FBXO31: variants seen among roughly 807,000 people sequenced by gnomAD.
The protein encoded by FBXO31 is F-box protein 31.
A neutral mutation model predicts 54.4 loss-of-function variants in FBXO31; 24 were observed. The ratio of observed to expected loss-of-function variants is 0.44; its 90% confidence interval spans 0.32 to 0.62. The LOEUF is 0.62. Among genes scored for constraint, FBXO31 ranks in the 20% least tolerant of loss-of-function variants. FBXO31 has a pLI of 0.05. For synonymous variants in FBXO31, 388 were observed against 335.6 expected (o/e 1.16, Z -1.71); for missense variants, 665 against 787.1 (o/e 0.84, Z 1.86).
chr16:87,353,543 G>A (rs926408820), intron 2 of FBXO31, among the ~76,000 whole-genome samples: 5 of 152,234 alleles, frequency 3.3e-5, no homozygotes, highest in Admixed American at 6.5e-5. Flanking sequence ...GACAGAGGGG[G>A]CCACGTGGGG....
upstream of FBXO31, among the ~76,000 whole-genome samples, chr16:87,386,654 G>A (rs1201539577): frequency 6.6e-6 from 1 of 152,154 alleles, no homozygotes; most frequent in Non-Finnish European, 1.5e-5. Flanking sequence ...GGCTGGTCTT[G>A]AATTCCTGAC....
Position 87,342,949 on chromosome 16 carries a change from A to G in FBXO31, c.660T>C (p.Ile220=), listed in dbSNP as rs754452319. The G allele has an allele frequency of 3.1e-6, 5 of 1,606,306 alleles. No homozygotes were observed. Among genetic ancestry groups the G allele is most frequent in the Non-Finnish European group, 4.2e-6 (5 of 1,176,478 alleles). ...HKGPHHGHIQ[I]VKKDEFSTKC... ...TGGTGGAGAACTCATCCTTCTTCAC[A>G]ATCTTCAGTGTTTGCAACACAAGGA... The change falls in exon 5 of 9, where the codon ATT becomes ATC. Residue 220 remains isoleucine (I), a splice_region_variant and synonymous_variant. Transcript: ENST00000311635.
rs567117717 is a variant in FBXO31 at position 87,346,050 on chromosome 16, G to C, written c.489+1124C>G. ...GAGAGGAGAAGGGGCCAAGCGAAGC[G>C]TGACTCACAAAGCCAGGAAGAGAAA... is the stretch of plus-strand genomic sequence containing the variant. On this transcript the variant is annotated intron_variant, in intron 3 of 8. Transcript: ENST00000311635. This position sits in a 1 kb window ranked among gnomAD's most constrained non-coding sequence, Gnocchi z 4.2. Among the ~76,000 whole-genome samples, 2 of 152,134 alleles carry C rather than the reference G, an allele frequency of 1.3e-5. No homozygotes were observed. The highest frequency in any genetic ancestry group is 2.4e-5 in the African/African-American group (1 of 41,428).
chr16:87,373,688 A>G (rs1447135215), intron 1 of FBXO31, among the ~76,000 whole-genome samples: 1 of 152,026 alleles, frequency 6.6e-6, no homozygotes, highest in African/African-American at 2.4e-5. Flanking sequence ...GTGCACCACC[A>G]CACCCTAAAG....
intron 3 of FBXO31, 116 bp downstream of exon 3, chr16:87,347,058 C>T (rs900601082): frequency 5.5e-6 from 5 of 913,598 alleles, no homozygotes; most frequent in Admixed American, 3.9e-5. Flanking sequence ...TTGGTAATTA[C>T]CTCAAACGCA....
intron 1 of FBXO31, among the ~76,000 whole-genome samples, chr16:87,377,731 A>G (rs1906885769): frequency 6.6e-6 from 1 of 151,526 alleles, no homozygotes. Context: ...TGGGAGGCTG[A>G]GGTGGGAGGA....
intron 2 of FBXO31, among the ~76,000 whole-genome samples, chr16:87,351,062 T>G (rs1174175213): frequency 6.6e-6 from 1 of 152,024 alleles, no homozygotes; most frequent in African/African-American, 2.4e-5. Context: ...AAGAGATGAG[T>G]CAGAGAAACA....
Position 87,347,257 on chromosome 16 carries a change from G to C in FBXO31, c.413-7C>G. On this transcript the variant is annotated splice_region_variant and splice_polypyrimidine_tract_variant and intron_variant, in intron 2 of 8. Coordinates refer to ENST00000311635, the MANE Select transcript of FBXO31 (RefSeq NM_024735.5). ...TGTCTATATCGGTGAAGCACTACAG[G>C]AGGAGAGAAAGAGCAAGTCTCTGTG... 1 of 1,613,818 alleles carries C rather than the reference G, an allele frequency of 6.2e-7. No homozygotes were observed.
chr16:87,368,624 CTTTTTTT>C (rs201112757), intron 1 of FBXO31, among the ~76,000 whole-genome samples: 3 of 133,720 alleles, frequency 2.2e-5, no homozygotes, highest in African/African-American at 8.3e-5. Flanking sequence ...AATCTATTTC[CTTTTTTT>C]TTTTTTTTTT....
At chr16:87,347,341 G>A (rs1905435097) in intron 2 of FBXO31, 91 bp from the exon 3 acceptor site, 2 of 1,097,102 alleles carry the variant, frequency 1.8e-6, no homozygotes, top group East Asian at 2.4e-5. Context: ...GGAACCATGA[G>A]GACTCACAAA....
rs1907189479 is a variant in FBXO31 at position 87,383,645 on chromosome 16, C to T, written c.100G>A (p.Glu34Lys). 5 of 1,349,696 alleles carry T rather than the reference C, an allele frequency of 3.7e-6. No homozygotes were observed. The highest frequency in any genetic ancestry group is 4.7e-6 in the Non-Finnish European group (5 of 1,054,484). 83.6% of individuals were successfully genotyped at this position (1,349,696 alleles called of 1,614,324 possible). A position where few individuals can be genotyped will look rare whatever the true frequency, so the allele number is the denominator to read the frequency against. Residue 34 changes from glutamate to lysine, a missense_variant, in exon 1 of 9, where the codon GAG (glutamate) becomes AAG (lysine). Glu to Lys is a moderately conservative substitution (Grantham distance 56). This residue lies in a region of FBXO31 where 195 missense variants were observed against 174.8 expected (regional missense o/e 1.12). Transcript: ENST00000311635. This position sits in a 1 kb window ranked among gnomAD's most constrained non-coding sequence, Gnocchi z 4.9. Reference sequence around the variant, plus strand: ...TCCTCCTCGGGGTCTGTGTCCGGCTCGCTGTCGGCCGCCGCCGTCTCGGCC... The same window carrying T: ...TCCTCCTCGGGGTCTGTGTCCGGCTTGCTGTCGGCCGCCGCCGTCTCGGCC... ...GPAETAAADSEPDTDPEEERI... is the reference protein window; with the variant it reads ...GPAETAAADSKPDTDPEEERI...
In FBXO31 at chr16:87,331,526, A is replaced by T. The variant is rs1904859410; in HGVS notation, c.1398-16T>A. On this transcript the variant is annotated splice_polypyrimidine_tract_variant and intron_variant, in intron 8 of 8. Coordinates refer to ENST00000311635, the MANE Select transcript of FBXO31 (RefSeq NM_024735.5). ...GCCATAAAAACTGAGCAGAAACAAG[A>T]GGGAAACTGTGAGCTGGGGGAGGGC... The T allele has an allele frequency of 4.4e-6, 7 of 1,583,336 alleles. No homozygotes were observed. The highest frequency in any genetic ancestry group is 5.2e-6 in the Non-Finnish European group (6 of 1,159,696).
At chr16:87,362,015 C>G (rs559124550) in intron 1 of FBXO31, among the ~76,000 whole-genome samples, 2 of 152,302 alleles carry the variant, frequency 1.3e-5, no homozygotes, top group South Asian at 2.1e-4. Context: ...AGTGGGTCCC[C>G]TAATAAATAC....
chr16:87,346,763 G>C lies in FBXO31; in HGVS notation c.489+411C>G, dbSNP rs1413833505. Among the ~76,000 whole-genome samples the C allele has an allele frequency of 6.6e-6, 1 of 152,200 alleles. No homozygotes were observed. Among genetic ancestry groups the C allele is most frequent in the Non-Finnish European group, 1.5e-5 (1 of 68,036 alleles). ...GGGGGCGGGAGGCAGGGTGGTCAGA[G>C]CGGGTCCACAGCAGAACCCAAGGAA... is the stretch of plus-strand genomic sequence containing the variant. On this transcript the variant is annotated intron_variant, in intron 3 of 8. Coordinates refer to ENST00000311635, the MANE Select transcript of FBXO31 (RefSeq NM_024735.5). The surrounding 1 kb of genome is among the most constrained non-coding windows in gnomAD (Gnocchi z 4.2).
rs1299611760 is a variant in FBXO31 at position 87,329,058 on chromosome 16, T to C, written c.*2230A>G. ...GGCGCGCAGATTCAGTGCCTGTCCC[T>C]ACAGAACCGGAGCCAAGAACTGGCT... On this transcript the variant is annotated 3_prime_UTR_variant, in exon 9 of 9. Coordinates refer to ENST00000311635, the MANE Select transcript of FBXO31 (RefSeq NM_024735.5). The C allele has an allele frequency of 6.6e-6, 1 of 152,222 alleles. No individual in the cohort carries two copies. Among genetic ancestry groups the C allele is most frequent in the East Asian group, 1.9e-4 (1 of 5,190 alleles). The allele number at this position is 152,222 out of a possible 1,614,324, so 9.4% of individuals were successfully genotyped here.
intron 8 of FBXO31, 91 bp from the exon 9 acceptor site, chr16:87,331,601 G>C (rs371533103): frequency 4.5e-5 from 48 of 1,071,068 alleles, no homozygotes; most frequent in Non-Finnish European, 6.0e-5. Flanking sequence ...GCTCTGTGCC[G>C]CAAGAGCCAC....
Position 87,331,427 on chromosome 16 carries a change from T to C in FBXO31, c.1481A>G (p.Asp494Gly). The change falls in exon 9 of 9, where the codon GAC becomes GGC. Residue 494 changes from aspartate (D) to glycine (G), a missense_variant. Asp to Gly is a moderately conservative substitution (Grantham distance 94). Transcript: ENST00000311635. Reference sequence around the variant, plus strand: ...CTCCAGCCAGACGAACCCGAAGCGGTCCTCATCGAAGAGGATGAAGACCCC... The same window carrying C: ...CTCCAGCCAGACGAACCCGAAGCGGCCCTCATCGAAGAGGATGAAGACCCC... ...TPGVFILFDE[D>G]RFGFVWLELK... 6.2e-7 allele frequency: 1 copy of C among 1,613,704 alleles called. No individual in the cohort carries two copies. Among genetic ancestry groups the C allele is most frequent in the Non-Finnish European group, 8.5e-7 (1 of 1,179,980 alleles).
rs1175338047 is a variant in FBXO31, at chr16:87,329,852, G to A, written c.*1436C>T. 1 of 151,490 alleles carries A rather than the reference G, an allele frequency of 6.6e-6. No homozygotes were observed. Among genetic ancestry groups the A allele is most frequent in the Non-Finnish European group, 1.5e-5 (1 of 68,040 alleles). The allele number at this position is 151,490 out of a possible 1,614,324, so 9.4% of individuals were successfully genotyped here. ...AGCATTTGCCAAATGCACTGAGGCT[G>A]GGCAATGGGAATTCTTATGTTCTTT... On this transcript the variant is annotated 3_prime_UTR_variant, in exon 9 of 9. Coordinates refer to ENST00000311635, the MANE Select transcript of FBXO31 (RefSeq NM_024735.5).
At chr16:87,353,128 G>A (rs936470423) in intron 2 of FBXO31, among the ~76,000 whole-genome samples, 1 of 152,162 alleles carries the variant, frequency 6.6e-6, no homozygotes, top group Non-Finnish European at 1.5e-5. Flanking sequence ...GGCTGCAGGG[G>A]TCCACTCCCC....
Sources: allele counts gnomAD v4.1 joint callset (sites outside exome capture counted in the v4.1 genomes callset), GRCh38; gene constraint gnomAD v4.1.1; regional missense constraint gnomAD v4.1.1; non-coding constraint Gnocchi (gnomAD v3.1); transcripts MANE v1.5; gene names NCBI Gene and HGNC (gene_info 2026-07-23, HGNC 2026-07-21).